DNAJC3: variants seen among roughly 807,000 people sequenced by gnomAD.
The protein encoded by DNAJC3 is DnaJ heat shock protein family (Hsp40) member C3.
Under a neutral mutation model 68.6 loss-of-function variants are expected in DNAJC3, and 38 were observed. The ratio of observed to expected loss-of-function variants is 0.55; its 90% CI spans 0.43 to 0.73. The LOEUF (loss-of-function observed/expected upper bound fraction) is 0.73, where lower values mean the gene tolerates loss of function less well. Ranked by LOEUF, DNAJC3 falls within the 30% of genes least tolerant of loss-of-function variation. DNAJC3 has a pLI of 0.00. For synonymous variants in DNAJC3, 203 were observed against 204.0 expected (o/e 1.00, Z 0.04); for missense variants, 526 against 591.9 (o/e 0.89, Z 1.16).
intron 4 of DNAJC3, among the ~76,000 whole-genome samples, chr13:95,752,078 T>C (rs1418268502): frequency 6.6e-6 from 1 of 152,186 alleles, no homozygotes; most frequent in Non-Finnish European, 1.5e-5. Flanking sequence ...ATCAATTAGC[T>C]ATATCCTTAC....
At chr13:95,735,190 T>C (rs1384878923) in intron 4 of DNAJC3, among the ~76,000 whole-genome samples, 1 of 141,058 alleles carries the variant, frequency 7.1e-6, no homozygotes, top group Non-Finnish European at 1.5e-5. Flanking sequence ...ATGGTGTATA[T>C]GTGCCACATT....
In DNAJC3 at chr13:95,793,962, C is replaced by T. The variant is rs1293250940; in HGVS notation, c.*2932C>T. ...GAAGCATTGTGAAAAGGTTCCAAAA[C>T]GGGAGACAAAATTTAATTCATTCCT... On this transcript the variant is annotated 3_prime_UTR_variant, in exon 12 of 12. Transcript: ENST00000602402. 3.9e-5 allele frequency: 6 copies of T among 151,998 alleles called. No individual in the cohort carries two copies. Among genetic ancestry groups the T allele is most frequent in the East Asian group, 1.9e-4 (1 of 5,184 alleles). 9.4% of individuals were successfully genotyped at this position (151,998 alleles called of 1,614,324 possible). A position where few individuals can be genotyped will look rare whatever the true frequency, so the allele number is the denominator to read the frequency against.
At position 95,772,625 on chromosome 13, in the gene DNAJC3, G is replaced by T. The variant is rs531224545; in HGVS notation, c.1075+8672G>T. Among the ~76,000 whole-genome samples, 229 of 152,240 alleles carry T rather than the reference G, an allele frequency of 1.5e-3. 1 individual carries two copies. The highest frequency in any genetic ancestry group is 5.4e-3 in the African/African-American group (223 of 41,550). On this transcript the variant is annotated intron_variant, in intron 9 of 11. Transcript: ENST00000602402. Reference sequence around the variant, plus strand: ...TGTTTCCTTGATGACTAAGGTTGTTGAATACTTTTCATGTGTTGTTTCTGT... The same window carrying T: ...TGTTTCCTTGATGACTAAGGTTGTTTAATACTTTTCATGTGTTGTTTCTGT...
chr13:95,758,115 G>A (rs1306728339), intron 5 of DNAJC3, among the ~76,000 whole-genome samples: 5 of 152,122 alleles, frequency 3.3e-5, no homozygotes, highest in African/African-American at 1.2e-4. Context: ...TGAAAAAGAT[G>A]GTTGGAGTAA....
intron 1 of DNAJC3, among the ~76,000 whole-genome samples, chr13:95,707,337 A>G (rs1389533472): frequency 6.6e-6 from 1 of 152,144 alleles, no homozygotes; most frequent in Non-Finnish European, 1.5e-5. Context: ...TAGTGCTCTC[A>G]AAAGAACCCA....
chr13:95,683,411 C>G (rs1447818074), intron 1 of DNAJC3, among the ~76,000 whole-genome samples: 2 of 152,068 alleles, frequency 1.3e-5, no homozygotes, highest in African/African-American at 4.8e-5. Flanking sequence ...TTAGCACCAT[C>G]CCCCAGAGCT....
rs1257759847 is a variant in DNAJC3 at position 95,794,206 on chromosome 13, A to G, written c.*3176A>G. The G allele has an allele frequency of 1.3e-5, 2 of 152,276 alleles. No individual in the cohort carries two copies. The highest frequency in any genetic ancestry group is 2.9e-5 in the Non-Finnish European group (2 of 68,050). The allele number at this position is 152,276 out of a possible 1,614,324, so 9.4% of individuals were successfully genotyped here. ...AACTACCCACAGTTTAAGAGAAAAC[A>G]TAACTTGGTAAAAAAGGTAGCCAAT... On this transcript the variant is annotated 3_prime_UTR_variant, in exon 12 of 12. Transcript: ENST00000602402.
intron 2 of DNAJC3, among the ~76,000 whole-genome samples, chr13:95,716,124 C>T (rs892519627): frequency 1.3e-5 from 2 of 152,204 alleles, no homozygotes; most frequent in East Asian, 3.9e-4. Context: ...TGCCATTGTA[C>T]TCCAGCCTGG....
At chr13:95,773,731 C>CT (rs143145399) in intron 9 of DNAJC3, among the ~76,000 whole-genome samples, 3,098 of 71,100 alleles carry the variant, frequency 0.044, 201 homozygotes, top group African/African-American at 0.095. Context: ...TTTTGTTGGT[C>CT]TTTTTTTTTT....
chr13:95,793,545 A>G lies in DNAJC3; in HGVS notation c.*2515A>G, dbSNP rs1883860232. The G allele has an allele frequency of 7.6e-6, 1 of 132,348 alleles. No individual in the cohort carries two copies. Among genetic ancestry groups the G allele is most frequent in the South Asian group, 2.4e-4 (1 of 4,182 alleles). 8.2% of individuals were successfully genotyped at this position (132,348 alleles called of 1,614,324 possible). On this transcript the variant is annotated 3_prime_UTR_variant, in exon 12 of 12. Coordinates refer to ENST00000602402, the MANE Select transcript of DNAJC3 (RefSeq NM_006260.5). ...TGCTCTGTTGCCCAGGCTGGAGTGCAGGGACACCTCCCGGGTTCAAGCAGT... is the reference window on the plus strand; with the variant it reads ...TGCTCTGTTGCCCAGGCTGGAGTGCGGGGACACCTCCCGGGTTCAAGCAGT...
rs137911602 is a variant in DNAJC3 at position 95,763,656 on chromosome 13, A to G, written c.862A>G (p.Thr288Ala). 3.4e-4 allele frequency: 546 copies of G among 1,613,602 alleles called. No individual in the cohort carries two copies. The highest frequency in any genetic ancestry group is 4.3e-4 in the Non-Finnish European group (506 of 1,179,738). ...CTCATTTCTTAGATACACAGATGCT[A>G]CCAGCAAATATGAATCTGTCATGAA... is the stretch of plus-strand genomic sequence containing the variant. Reference protein sequence around the residue: ...LIRDGRYTDATSKYESVMKTE... With the variant: ...LIRDGRYTDAASKYESVMKTE... The change falls in exon 8 of 12, where the codon ACC becomes GCC. Residue 288 changes from threonine (T) to alanine (A), a missense_variant. By Grantham distance (58) the Thr-to-Ala change is moderately conservative. Coordinates refer to ENST00000602402, the MANE Select transcript of DNAJC3 (RefSeq NM_006260.5).
chr13:95,699,866 G>A (rs1880540261), intron 1 of DNAJC3, among the ~76,000 whole-genome samples: 2 of 151,962 alleles, frequency 1.3e-5, no homozygotes, highest in Admixed American at 1.3e-4. Flanking sequence ...ACAGGATCAT[G>A]CTCTGTTGCC....
intron 1 of DNAJC3, among the ~76,000 whole-genome samples, chr13:95,681,296 C>T (rs1879903885): frequency 6.6e-6 from 1 of 152,152 alleles, no homozygotes; most frequent in African/African-American, 2.4e-5. Flanking sequence ...TAGGTAAACA[C>T]GGACGGAGGA....
rs372904198 is a variant in DNAJC3, at chr13:95,763,927, A to G, written c.1049A>G (p.Tyr350Cys). Residue 350 changes from tyrosine to cysteine, a missense_variant, in exon 9 of 12, where the codon TAT (tyrosine) becomes TGT (cysteine). By Grantham distance (194) the Tyr-to-Cys change is radical. Coordinates refer to ENST00000602402, the MANE Select transcript of DNAJC3 (RefSeq NM_006260.5). ...GCCCTGAAAGATCGAGCAGAGGCCT[A>G]TTTGATAGAGGAAATGTATGATGAA... ...VNALKDRAEA[Y>C]LIEEMYDEAI... 7 of 1,613,928 alleles carry G rather than the reference A, an allele frequency of 4.3e-6. No homozygotes were observed. Among genetic ancestry groups the G allele is most frequent in the African/African-American group, 1.3e-5 (1 of 74,932 alleles).
intron 4 of DNAJC3, among the ~76,000 whole-genome samples, chr13:95,739,005 G>C (rs1406980190): frequency 6.6e-6 from 1 of 152,030 alleles, no homozygotes; most frequent in Non-Finnish European, 1.5e-5. Context: ...AGGAGCTCTT[G>C]TAGGGCAGGC....
At chr13:95,779,413 C>T (rs550228938) in intron 9 of DNAJC3, among the ~76,000 whole-genome samples, 111 of 152,206 alleles carry the variant, frequency 7.3e-4, no homozygotes, top group Non-Finnish European at 1.2e-3. Flanking sequence ...CATGAGCCAT[C>T]GCGCCCGGCC....
At chr13:95,725,049 C>A in intron 3 of DNAJC3, 129 bp from the exon 4 acceptor site, 1 of 525,502 alleles carries the variant, frequency 1.9e-6, no homozygotes, top group Non-Finnish European at 3.1e-6. Context: ...TTCTTGGTGT[C>A]AAGTCAGATG....
At chr13:95,753,551 T>C (rs1594006577) in intron 4 of DNAJC3, among the ~76,000 whole-genome samples, 1 of 152,214 alleles carries the variant, frequency 6.6e-6, no homozygotes, top group African/African-American at 2.4e-5. Flanking sequence ...ATTAGAAATA[T>C]TAATTTCTTG....
chr13:95,721,622 T>G (rs1881325621), intron 2 of DNAJC3, among the ~76,000 whole-genome samples: 1 of 152,040 alleles, frequency 6.6e-6, no homozygotes, highest in African/African-American at 2.4e-5. Context: ...GGGTGTGAAT[T>G]GGTATCTCAA....
Sources: allele counts gnomAD v4.1 joint callset (sites outside exome capture counted in the v4.1 genomes callset), GRCh38; gene constraint gnomAD v4.1.1; transcripts MANE v1.5; gene names NCBI Gene and HGNC (gene_info 2026-07-23, HGNC 2026-07-21).